Variants in CLASP2 observed in about 807,000 individuals in gnomAD.
CLASP2 encodes cytoplasmic linker associated protein 2.
CLASP2 carries 47 observed loss-of-function variants against 194.4 expected under a neutral mutation model. That is an observed-to-expected ratio of 0.24 (90% CI 0.19 to 0.31). CLASP2 has a LOEUF of 0.31. Ranked by LOEUF, CLASP2 falls within the 10% of genes least tolerant of loss-of-function variation. CLASP2 has a pLI of 1.00. For synonymous variants in CLASP2, 619 were observed against 633.5 expected (o/e 0.98, Z 0.34); for missense variants, 1,445 against 1,823.6 (o/e 0.79, Z 3.78).
At chr3:33,510,485 G>T in intron 37 of CLASP2, 73 bp downstream of exon 37, 2 of 1,367,222 alleles carry the variant, frequency 1.5e-6, no homozygotes, top group Non-Finnish European at 2.1e-6. Flanking sequence ...CAGTAATGAT[G>T]CCTGGAAAGT....
At chr3:33,629,450 T>C (rs956091319) in intron 9 of CLASP2, among the ~76,000 whole-genome samples, 3 of 152,168 alleles carry the variant, frequency 2.0e-5, no homozygotes, top group African/African-American at 7.2e-5. Flanking sequence ...AAAGATCATG[T>C]TTCCATTTGA....
intron 32 of CLASP2, among the ~76,000 whole-genome samples, chr3:33,541,844 G>C (rs1217339162): frequency 6.6e-6 from 1 of 152,082 alleles, no homozygotes; most frequent in Non-Finnish European, 1.5e-5. Context: ...ATTCCTTTGG[G>C]TATATACCCA....
At chr3:33,576,112 C>T (rs764171682) in intron 24 of CLASP2, 57 bp downstream of exon 24, 12 of 1,352,506 alleles carry the variant, frequency 8.9e-6, no homozygotes, top group Non-Finnish European at 1.3e-5. Flanking sequence ...CTGGCCTACT[C>T]ATTCAACAGT....
intron 2 of CLASP2, among the ~76,000 whole-genome samples, chr3:33,690,134 TATA>T (rs2091180042): frequency 6.6e-6 from 1 of 152,164 alleles, no homozygotes; most frequent in African/African-American, 2.4e-5. Flanking sequence ...GATATCTCCT[TATA>T]ATAATGTTAA....
chr3:33,659,126 G>A, intron 7 of CLASP2: 3 of 1,427,750 alleles, frequency 2.1e-6, no homozygotes, highest in Non-Finnish European at 2.7e-6. Flanking sequence ...CCTCGCTGCA[G>A]CTCTGCACCG....
intron 13 of CLASP2, 116 bp from the exon 14 acceptor site, chr3:33,608,742 A>ATTT: frequency 1.0e-5 from 3 of 300,060 alleles, no homozygotes; most frequent in South Asian, 9.6e-5. Context: ...GTTTTTAGAT[A>ATTT]TCTTTTTTTT....
At chr3:33,569,859 T>C (rs2063421784) in intron 26 of CLASP2, among the ~76,000 whole-genome samples, 1 of 152,092 alleles carries the variant, frequency 6.6e-6, no homozygotes, top group Non-Finnish European at 1.5e-5. Context: ...TATCTTTAAG[T>C]AGTGTTGTAA....
At chr3:33,645,429 C>A (rs2082110355) in intron 7 of CLASP2, 2 of 734,074 alleles carry the variant, frequency 2.7e-6, no homozygotes, top group South Asian at 1.5e-5. Flanking sequence ...ACAGAAACAA[C>A]CACAGAACCA....
intron 6 of CLASP2, among the ~76,000 whole-genome samples, chr3:33,669,295 C>T (rs994345702): frequency 6.6e-6 from 1 of 152,156 alleles, no homozygotes. Flanking sequence ...TGGATTATAG[C>T]TCTAAATGTG....
chr3:33,560,976 A>G lies in CLASP2; in HGVS notation c.2767-5T>C. On this transcript the variant is annotated splice_region_variant and splice_polypyrimidine_tract_variant and intron_variant, in intron 27 of 38. Transcript: ENST00000682230. ...CTCCAAAAACATGCTGAATACCTAC[A>G]GTTGATAAAGGGGAGAGGTAGGGAG... The G allele has an allele frequency of 1.2e-6, 2 of 1,612,752 alleles. No homozygotes were observed. Among genetic ancestry groups the G allele is most frequent in the Non-Finnish European group, 1.7e-6 (2 of 1,178,948 alleles).
intron 1 of CLASP2, among the ~76,000 whole-genome samples, chr3:33,705,873 G>T (rs1033769611): frequency 5.3e-5 from 8 of 152,120 alleles, no homozygotes; most frequent in Admixed American, 1.3e-4. Flanking sequence ...ACAGTATACT[G>T]TTAAGTGAAA....
At chr3:33,524,370 C>T (rs112881666) in intron 34 of CLASP2, among the ~76,000 whole-genome samples, 3,168 of 152,138 alleles carry the variant, frequency 0.021, 101 homozygotes, top group African/African-American at 0.072. Flanking sequence ...AGGCTGGGTG[C>T]GTTGGTGCAT....
intron 32 of CLASP2, among the ~76,000 whole-genome samples, chr3:33,541,244 A>G (rs931914787): frequency 3.9e-5 from 6 of 152,128 alleles, no homozygotes; most frequent in African/African-American, 1.4e-4. Context: ...ATCAACCTAA[A>G]TGCCCATCAG....
intron 18 of CLASP2, among the ~76,000 whole-genome samples, chr3:33,599,033 G>C (rs1310952351): frequency 6.6e-6 from 1 of 152,172 alleles, no homozygotes; most frequent in Non-Finnish European, 1.5e-5. Context: ...ATTGATTACA[G>C]TAAGTAAAAT....
chr3:33,695,220 ATTTT>A (rs762657276), intron 2 of CLASP2, among the ~76,000 whole-genome samples: 62 of 103,808 alleles, frequency 6.0e-4, no homozygotes, highest in Non-Finnish European at 7.9e-4. Flanking sequence ...AAGCCTGCTA[ATTTT>A]TTTTTTTTTT....
At chr3:33,506,376 TCGAAAAAAA>T (rs1325532764) in intron 37 of CLASP2, among the ~76,000 whole-genome samples, 1 of 20,338 alleles carries the variant, frequency 4.9e-5, no homozygotes, top group African/African-American at 3.9e-4. Flanking sequence ...AGACTCTGTC[TCGAAAAAAA>T]AAAAAAAAAA....
intron 34 of CLASP2, among the ~76,000 whole-genome samples, chr3:33,521,465 T>C (rs1280972919): frequency 6.6e-6 from 1 of 152,202 alleles, no homozygotes; most frequent in Non-Finnish European, 1.5e-5. Context: ...CCATCACTTC[T>C]GCAATACTGA....
Position 33,689,929 on chromosome 3 carries a change from A to G in CLASP2, c.278T>C (p.Ile93Thr), listed in dbSNP as rs2091157854. Residue 93 changes from isoleucine (I) to threonine (T), a missense_variant, in exon 3 of 39, where the codon ATT (isoleucine) becomes ACT (threonine). By Grantham distance (89) the Ile-to-Thr change is moderately conservative. Transcript: ENST00000682230. The part of the protein sequence containing the change: ...TRFKSYVAMV[I>T]VALIDRMGDA... ...TCCCATTCTGTCTATTAAAGCTACA[A>G]TAACTAAAGAAGGGGAGGGAGTAAA... 1.9e-6 allele frequency: 3 copies of G among 1,574,498 alleles called. No individual in the cohort carries two copies. The South Asian group carries it at 3.6e-5, about 19-fold the overall frequency.
intron 13 of CLASP2, among the ~76,000 whole-genome samples, chr3:33,609,408 T>C (rs2074626666): frequency 6.6e-6 from 1 of 152,250 alleles, no homozygotes; most frequent in Non-Finnish European, 1.5e-5. Flanking sequence ...GGATCTTTCA[T>C]CTTTACACTG....
Sources: gnomAD v4.1 joint callset for allele counts (sites outside exome capture counted in the v4.1 genomes callset) on GRCh38, gnomAD v4.1.1 for gene constraint, MANE v1.5 for transcripts, NCBI Gene and HGNC (gene_info 2026-07-23, HGNC 2026-07-21) for gene names.